Variants in APBA1 observed in about 807,000 individuals in gnomAD.
The protein encoded by APBA1 is amyloid-beta A4 precursor protein-binding family A member 1.
APBA1 carries 55 observed loss-of-function variants against 86.6 expected under a neutral mutation model. The observed-to-expected ratio is 0.64, with a 90% CI of 0.51 to 0.80. The LOEUF is 0.80. Ranked by LOEUF, APBA1 falls within the 30% of genes least tolerant of loss-of-function variation. The pLI is 0.00. For synonymous variants in APBA1, 511 were observed against 493.9 expected (o/e 1.03, Z -0.46); for missense variants, 1,090 against 1,183.0 (o/e 0.92, Z 1.15).
rs148277396 is a variant in APBA1 at position 69,667,259 on chromosome 9, G to A, written c.-70+4894C>T. Among the ~76,000 whole-genome samples the A allele has an allele frequency of 2.5e-3, 386 of 152,280 alleles. 1 individual carries two copies. Among genetic ancestry groups the A allele is most frequent in the African/African-American group, 9.0e-3 (376 of 41,550 alleles). ...AATGAAGAACCACTGTATTTAGTGA[G>A]ATTAAATGCTCACTATACAAAAATT... On this transcript the variant is annotated intron_variant, in intron 1 of 12. Coordinates refer to ENST00000265381, the MANE Select transcript of APBA1 (RefSeq NM_001163.4).
At chr9:69,595,607 T>C (rs2133968599) in intron 1 of APBA1, among the ~76,000 whole-genome samples, 1 of 152,322 alleles carries the variant, frequency 6.6e-6, no homozygotes, top group South Asian at 2.1e-4. Flanking sequence ...CATTCAAGGA[T>C]AGAATATTTT....
intron 2 of APBA1, among the ~76,000 whole-genome samples, chr9:69,492,587 TG>T (rs961827782): frequency 7.2e-5 from 11 of 152,098 alleles, no homozygotes; most frequent in African/African-American, 2.7e-4. Flanking sequence ...TGGCTAAGGC[TG>T]GGGGGTATAT....
intron 1 of APBA1, among the ~76,000 whole-genome samples, chr9:69,622,816 G>T (rs1409448430): frequency 6.6e-6 from 1 of 152,132 alleles, no homozygotes; most frequent in East Asian, 1.9e-4. Flanking sequence ...TGGAAATTTT[G>T]GTAGGGATGA....
chr9:69,449,301 G>A (rs1343241745), intron 10 of APBA1, among the ~76,000 whole-genome samples: 3 of 152,206 alleles, frequency 2.0e-5, no homozygotes, highest in South Asian at 2.1e-4. Flanking sequence ...GTGGGAGAAT[G>A]CTGTGATTGA....
At chr9:69,667,957 CA>C (rs1247009945) in intron 1 of APBA1, among the ~76,000 whole-genome samples, 1 of 152,106 alleles carries the variant, frequency 6.6e-6, no homozygotes, top group Non-Finnish European at 1.5e-5. Context: ...GTGTGAGTGA[CA>C]GGGGCTCTCC....
chr9:69,554,127 A>G (rs1431582428), intron 1 of APBA1, among the ~76,000 whole-genome samples: 5 of 152,218 alleles, frequency 3.3e-5, no homozygotes, highest in South Asian at 2.1e-4. Context: ...AAAGCAACAT[A>G]TTCAAATACC....
At chr9:69,568,195 C>T (rs941573163) in intron 1 of APBA1, among the ~76,000 whole-genome samples, 1 of 152,122 alleles carries the variant, frequency 6.6e-6, no homozygotes, top group Non-Finnish European at 1.5e-5. Context: ...GTCCCCCATG[C>T]CCTATGTAGA....
chr9:69,561,183 G>C (rs1052933319), intron 1 of APBA1, among the ~76,000 whole-genome samples: 2 of 152,210 alleles, frequency 1.3e-5, no homozygotes, highest in Admixed American at 6.5e-5. Flanking sequence ...TGAATAATGA[G>C]ATAAAGGCTT....
At chr9:69,451,995 C>T in intron 9 of APBA1, 127 bp downstream of exon 9, 1 of 892,130 alleles carries the variant, frequency 1.1e-6, no homozygotes, top group South Asian at 1.6e-5. Flanking sequence ...TGAACGACTT[C>T]ATGATGTCCT....
At chr9:69,597,469 T>TGG (rs2133970357) in intron 1 of APBA1, among the ~76,000 whole-genome samples, 1 of 152,338 alleles carries the variant, frequency 6.6e-6, no homozygotes, top group Non-Finnish European at 1.5e-5. Context: ...GGTTGCCTGT[T>TGG]CACTCTGATG....
chr9:69,571,863 G>C (rs942453656), intron 1 of APBA1, among the ~76,000 whole-genome samples: 1 of 152,134 alleles, frequency 6.6e-6, no homozygotes, highest in Non-Finnish European at 1.5e-5. Context: ...ACTGCTTTAT[G>C]TGGAAAACGA....
intron 1 of APBA1, among the ~76,000 whole-genome samples, chr9:69,610,934 C>G (rs1442108770): frequency 2.0e-5 from 3 of 152,034 alleles, no homozygotes; most frequent in Non-Finnish European, 2.9e-5. Context: ...ATCAACTATA[C>G]AGTTAAAGGT....
At chr9:69,454,307 G>A (rs1835059080) in intron 8 of APBA1, among the ~76,000 whole-genome samples, 1 of 152,178 alleles carries the variant, frequency 6.6e-6, no homozygotes, top group Admixed American at 6.5e-5. Context: ...CATCAGAGAG[G>A]TACATGCAGA....
chr9:69,595,608 A>G (rs1822211592), intron 1 of APBA1, among the ~76,000 whole-genome samples: 1 of 152,218 alleles, frequency 6.6e-6, no homozygotes, highest in Non-Finnish European at 1.5e-5. Flanking sequence ...ATTCAAGGAT[A>G]GAATATTTTT....
chr9:69,644,278 G>A (rs1823347719), intron 1 of APBA1, among the ~76,000 whole-genome samples: 1 of 152,148 alleles, frequency 6.6e-6, no homozygotes, highest in African/African-American at 2.4e-5. Context: ...TTGTTGGATA[G>A]AGTATTAATT....
In APBA1 at chr9:69,458,901, G is replaced by C. The variant is rs111916549; in HGVS notation, c.1483-713C>G. On this transcript the variant is annotated intron_variant, in intron 5 of 12. Transcript: ENST00000265381. ...GGCTCACCGCAACCTCTGCCTCCCA[G>C]GATCAAGAGATTCTCCTGCCTCAGC... Among the ~76,000 whole-genome samples, 8 of 151,872 alleles carry C rather than the reference G, an allele frequency of 5.3e-5. 1 individual carries two copies. Among genetic ancestry groups the C allele is most frequent in the Admixed American group, 3.3e-4 (5 of 15,270 alleles).
intron 8 of APBA1, among the ~76,000 whole-genome samples, chr9:69,455,151 GAGA>G (rs1006324924): frequency 1.1e-4 from 17 of 152,272 alleles, no homozygotes; most frequent in African/African-American, 3.6e-4. Context: ...TGCTGTACTG[GAGA>G]AGAAGGGCCT....
Position 69,587,542 on chromosome 9 carries a change from C to T in APBA1, c.-69-70263G>A, listed in dbSNP as rs558706462. On this transcript the variant is annotated intron_variant, in intron 1 of 12. Transcript: ENST00000265381. ...TCTTCCTGAGCACATGAGAAAATGA[C>T]ATTTCTCGGCATCCCTTGCAAGTAG... 3.0e-4 allele frequency among the ~76,000 whole-genome samples: 45 copies of T among 152,194 alleles called. No homozygotes were observed. In the Middle Eastern group the frequency reaches 0.014, roughly 46 times the overall value.
rs190811910 is a variant in APBA1 at position 69,618,369 on chromosome 9, G to A, written c.-70+53784C>T. Among the ~76,000 whole-genome samples, 520 of 152,280 alleles carry A rather than the reference G, an allele frequency of 3.4e-3. 4 individuals are homozygous for A. The highest frequency in any genetic ancestry group is 0.012 in the African/African-American group (484 of 41,558). ...CACTCAACATTTAGTGTGTTTGCGC[G>A]ATGCACAAGAGACACTGTTCTAGAT... On this transcript the variant is annotated intron_variant, in intron 1 of 12. Transcript: ENST00000265381.
Sources: gnomAD v4.1 joint callset for allele counts (sites outside exome capture counted in the v4.1 genomes callset) on GRCh38, gnomAD v4.1.1 for gene constraint, MANE v1.5 for transcripts, NCBI Gene and HGNC (gene_info 2026-07-23, HGNC 2026-07-21) for gene names.